MGAT4C: variants seen among roughly 807,000 people sequenced by gnomAD.
MGAT4C encodes MGAT4 family member C.
Under a neutral mutation model 40.1 loss-of-function variants are expected in MGAT4C, and 19 were observed. The observed-to-expected ratio is 0.47, with a 90% CI of 0.33 to 0.70. The LOEUF (loss-of-function observed/expected upper bound fraction) is 0.70, where lower values mean the gene tolerates loss of function less well. Among genes scored for constraint, MGAT4C ranks in the 30% least tolerant of loss-of-function variants. The pLI is 0.02. For missense variants in MGAT4C, 491 were observed against 563.2 expected (o/e 0.87, Z 1.30); for synonymous variants, 181 against 187.1 (o/e 0.97, Z 0.27).
chr12:86,375,266 C>T (rs565296161), intron 3 of MGAT4C, among the ~76,000 whole-genome samples: 1 of 152,048 alleles, frequency 6.6e-6, no homozygotes, highest in Non-Finnish European at 1.5e-5. Flanking sequence ...GTATTTACCA[C>T]TGGAAATAAT....
intron 1 of MGAT4C, among the ~76,000 whole-genome samples, chr12:86,096,561 A>G (rs1244640543): frequency 6.6e-6 from 1 of 151,402 alleles, no homozygotes; most frequent in Non-Finnish European, 1.5e-5. Context: ...TTTTTCTAAA[A>G]TAATTTGTTT....
At chr12:86,356,192 G>C (rs1026719909) in intron 3 of MGAT4C, among the ~76,000 whole-genome samples, 1 of 152,020 alleles carries the variant, frequency 6.6e-6, no homozygotes, top group Non-Finnish European at 1.5e-5. Context: ...CCAAGAAAAG[G>C]CTTAAAAGTA....
In MGAT4C at chr12:86,696,111, C is replaced by T. The variant is rs554525059; in HGVS notation, c.-229+31098G>A. On this transcript the variant is annotated intron_variant, in intron 2 of 7. Transcript: ENST00000548651. Reference sequence around the variant, plus strand: ...CCTGTATTCCCAACTACTGGGGAGGCTAAGGCAGGAGAGTTGCTTGAACCT... The same window carrying T: ...CCTGTATTCCCAACTACTGGGGAGGTTAAGGCAGGAGAGTTGCTTGAACCT... Among the ~76,000 whole-genome samples, 133 of 151,710 alleles carry T rather than the reference C, an allele frequency of 8.8e-4. 2 individuals carry two copies. The highest frequency in any genetic ancestry group is 3.1e-3 in the African/African-American group (128 of 41,306).
chr12:86,633,627 T>C (rs1417570774), intron 2 of MGAT4C, among the ~76,000 whole-genome samples: 1 of 152,126 alleles, frequency 6.6e-6, no homozygotes, highest in Non-Finnish European at 1.5e-5. Flanking sequence ...CATTTCAGCT[T>C]TGCAGTTGTA....
At chr12:86,438,897 A>G (rs1199177263) in intron 2 of MGAT4C, among the ~76,000 whole-genome samples, 1 of 152,040 alleles carries the variant, frequency 6.6e-6, no homozygotes, top group African/African-American at 2.4e-5. Flanking sequence ...AGGTCATTAT[A>G]TAATGATAAA....
intron 1 of MGAT4C, among the ~76,000 whole-genome samples, chr12:86,119,768 T>G (rs1426505397): frequency 6.6e-6 from 1 of 150,516 alleles, no homozygotes; most frequent in Non-Finnish European, 1.5e-5. Flanking sequence ...CTTGCTATAT[T>G]GCCACGGCTG....
chr12:86,159,429 T>C (rs1163725338), intron 1 of MGAT4C, among the ~76,000 whole-genome samples: 2 of 151,990 alleles, frequency 1.3e-5, no homozygotes, highest in Non-Finnish European at 2.9e-5. Context: ...TTGCTACTTT[T>C]TTTTTTTTGA....
chr12:86,706,952 G>C (rs1013594023), intron 2 of MGAT4C, among the ~76,000 whole-genome samples: 1 of 152,120 alleles, frequency 6.6e-6, no homozygotes, highest in Non-Finnish European at 1.5e-5. Context: ...GGTTTTATAA[G>C]AGGAAGTTTC....
intron 3 of MGAT4C, among the ~76,000 whole-genome samples, chr12:86,349,791 A>G (rs1261425938): frequency 6.6e-6 from 1 of 152,128 alleles, no homozygotes; most frequent in African/African-American, 2.4e-5. Context: ...CTTGCTACAT[A>G]TCTACTGTGA....
intron 2 of MGAT4C, among the ~76,000 whole-genome samples, chr12:86,628,153 A>C (rs1457658607): frequency 6.6e-6 from 1 of 152,176 alleles, no homozygotes; most frequent in Non-Finnish European, 1.5e-5. Context: ...TCAGTGATTG[A>C]AGATCAAATG....
rs1008264316 is a variant in MGAT4C, at chr12:85,955,851, C to G, written c.*23438G>C. ...CAAAGGTTTACAATAACTATTTGTGCTAGCTAATGAAGAAACCTCTAGATA... is the reference window on the plus strand; with the variant it reads ...CAAAGGTTTACAATAACTATTTGTGGTAGCTAATGAAGAAACCTCTAGATA... On this transcript the variant is annotated 3_prime_UTR_variant, in exon 5 of 5. Transcript: ENST00000611864. 2 of 152,174 alleles carry G rather than the reference C, an allele frequency of 1.3e-5. No individual in the cohort carries two copies. The highest frequency in any genetic ancestry group is 2.4e-5 in the African/African-American group (1 of 41,540). 9.4% of individuals were successfully genotyped at this position (152,174 alleles called of 1,614,324 possible).
Position 85,989,507 on chromosome 12 carries a change from G to A in MGAT4C, c.40C>T (p.Leu14Phe), listed in dbSNP as rs1885635854. 1.2e-6 allele frequency: 2 copies of A among 1,603,554 alleles called. No individual in the cohort carries two copies. Among genetic ancestry groups the A allele is most frequent in the East Asian group, 4.5e-5 (2 of 44,468 alleles). The change falls in exon 3 of 5, where the codon CTT becomes TTT. Residue 14 changes from leucine to phenylalanine, a missense_variant. Coordinates refer to ENST00000611864, the MANE Select transcript of MGAT4C (RefSeq NM_001351288.2). ...TTTCTCAGGCATCTCATTTTATCAAGTATTTCAAAAATATGTTTCATTTGA... is the reference window on the plus strand; with the variant it reads ...TTTCTCAGGCATCTCATTTTATCAAATATTTCAAAAATATGTTTCATTTGA... ...FHQMKHIFEILDKMRCLRKRS... is the reference protein window; with the variant it reads ...FHQMKHIFEIFDKMRCLRKRS...
At chr12:86,569,305 C>A (rs10466966) in intron 2 of MGAT4C, among the ~76,000 whole-genome samples, 1,795 of 152,012 alleles carry the variant, frequency 0.012, 40 homozygotes, top group African/African-American at 0.042. Flanking sequence ...AACTAATATC[C>A]AAAATTTACA....
chr12:86,585,244 A>C (rs894252362), intron 2 of MGAT4C, among the ~76,000 whole-genome samples: 3 of 151,482 alleles, frequency 2.0e-5, no homozygotes, highest in Non-Finnish European at 4.4e-5. Flanking sequence ...TTTCAAAATT[A>C]ATTCATTATT....
At chr12:86,272,499 TAAGA>T (rs1260863097) in intron 4 of MGAT4C, among the ~76,000 whole-genome samples, 3 of 152,304 alleles carry the variant, frequency 2.0e-5, no homozygotes, top group Non-Finnish European at 4.4e-5. Flanking sequence ...CTAGGATACC[TAAGA>T]GAGATTTTTT....
At chr12:86,692,511 A>G (rs1162529710) in intron 2 of MGAT4C, among the ~76,000 whole-genome samples, 1 of 152,192 alleles carries the variant, frequency 6.6e-6, no homozygotes, top group Admixed American at 6.5e-5. Context: ...ATTTCTCTCC[A>G]ATTTGTTTAA....
intron 2 of MGAT4C, among the ~76,000 whole-genome samples, chr12:86,519,105 T>C (rs1958747374): frequency 6.6e-6 from 1 of 152,194 alleles, no homozygotes; most frequent in Non-Finnish European, 1.5e-5. Context: ...GAAATTTTTA[T>C]GACTAGATTG....
intron 4 of MGAT4C, among the ~76,000 whole-genome samples, chr12:86,261,535 C>G (rs369824797): frequency 5.3e-5 from 8 of 151,944 alleles, no homozygotes; most frequent in South Asian, 2.1e-4. Context: ...AAGCAATTTC[C>G]TGAGAAAAGT....
intron 2 of MGAT4C, among the ~76,000 whole-genome samples, chr12:86,015,108 C>T (rs1236201278): frequency 1.3e-5 from 2 of 151,448 alleles, no homozygotes; most frequent in Admixed American, 6.6e-5. Context: ...CACACCCGGC[C>T]TCTGTGTCCT....
Sources: gnomAD v4.1 joint callset for allele counts (sites outside exome capture counted in the v4.1 genomes callset) on GRCh38, gnomAD v4.1.1 for gene constraint, MANE v1.5 for transcripts, NCBI Gene and HGNC (gene_info 2026-07-23, HGNC 2026-07-21) for gene names.